FSHR: variants seen among roughly 807,000 people sequenced by gnomAD.
FSHR encodes the protein follicle stimulating hormone receptor.
In FSHR, 46 loss-of-function variants were observed where a neutral mutation model predicts 52.1. That is an observed-to-expected ratio of 0.88 (90% confidence interval 0.70 to 1.13). The LOEUF (loss-of-function observed/expected upper bound fraction) is 1.13. FSHR is among the 50% of genes most tolerant of loss of function. The probability of loss-of-function intolerance (pLI) is 0.00; values close to 1 mark genes in which losing one functional copy is unlikely to be tolerated. For synonymous variants in FSHR, 399 were observed against 309.6 expected (o/e 1.29, Z -3.03); for missense variants, 964 against 834.6 (o/e 1.16, Z -1.91).
chr2:48,992,751 C>A (rs1284835555), intron 4 of FSHR, among the ~76,000 whole-genome samples: 1 of 152,050 alleles, frequency 6.6e-6, no homozygotes, highest in East Asian at 1.9e-4. Context: ...TTTCACTTAG[C>A]CTAACTCCCT....
chr2:49,016,853 A>G (rs1465594422), intron 4 of FSHR, among the ~76,000 whole-genome samples: 2 of 152,216 alleles, frequency 1.3e-5, no homozygotes, highest in African/African-American at 4.8e-5. Context: ...CTGGTAAATG[A>G]ACCCAGAAAG....
chr2:49,037,395 C>A (rs1219651655), intron 2 of FSHR, among the ~76,000 whole-genome samples: 1 of 152,238 alleles, frequency 6.6e-6, no homozygotes, highest in East Asian at 1.9e-4. Flanking sequence ...ATCCTTCCTG[C>A]TTCTAACCCA....
rs1474163768 is a variant in FSHR at position 49,010,651 on chromosome 2, C to G, written c.374+6838G>C. Among the ~76,000 whole-genome samples, 652 of 150,208 alleles carry G rather than the reference C, an allele frequency of 4.3e-3. 4 individuals carry two copies. The highest frequency in any genetic ancestry group is 0.015 in the African/African-American group (594 of 40,236). On this transcript the variant is annotated intron_variant, in intron 4 of 9. Coordinates refer to ENST00000406846, the MANE Select transcript of FSHR (RefSeq NM_000145.4). ...TGGTAGAATTCGGCTGTGAATCCAT[C>G]TGGTCCTGGACTCTTTTTGGTTGGT...
At chr2:48,969,960 G>A (rs1449845076) in intron 8 of FSHR, among the ~76,000 whole-genome samples, 1 of 152,194 alleles carries the variant, frequency 6.6e-6, no homozygotes, top group African/African-American at 2.4e-5. Context: ...TTCTGATGGG[G>A]ATGGTAGCAA....
chr2:49,063,667 G>A (rs12618131), intron 2 of FSHR, among the ~76,000 whole-genome samples: 52,589 of 151,918 alleles, frequency 0.35, 9,706 homozygotes, highest in East Asian at 0.49. Flanking sequence ...TGGAGGCAGG[G>A]AAGTCTATGT....
At chr2:49,090,186 C>G (rs1298642652) in intron 1 of FSHR, among the ~76,000 whole-genome samples, 1 of 151,112 alleles carries the variant, frequency 6.6e-6, no homozygotes, top group East Asian at 1.9e-4. Flanking sequence ...TGAGTTTGAA[C>G]ATGTGCATAG....
At chr2:49,016,846 G>C (rs933957802) in intron 4 of FSHR, among the ~76,000 whole-genome samples, 2 of 152,154 alleles carry the variant, frequency 1.3e-5, no homozygotes, top group Non-Finnish European at 2.9e-5. Flanking sequence ...TCAGTAGCTG[G>C]TAAATGAACC....
chr2:48,975,446 G>A (rs1922472), intron 8 of FSHR, among the ~76,000 whole-genome samples: 117,004 of 151,994 alleles, frequency 0.77, 45,120 homozygotes, highest in Non-Finnish European at 0.78. Context: ...TTACTCCCCA[G>A]TGCATGTCTG....
At chr2:49,079,048 A>C (rs747348383) in intron 1 of FSHR, among the ~76,000 whole-genome samples, 7 of 152,162 alleles carry the variant, frequency 4.6e-5, no homozygotes, top group Non-Finnish European at 8.8e-5. Context: ...GACAGCTGAT[A>C]AGAAAGTCTA....
intron 4 of FSHR, among the ~76,000 whole-genome samples, chr2:49,009,247 C>G (rs1338240978): frequency 3.7e-5 from 3 of 80,704 alleles, no homozygotes; most frequent in Non-Finnish European, 1.1e-4. Context: ...CTACATATGG[C>G]TAGCCAGTTT....
At chr2:49,010,763 G>A (rs1475522607) in intron 4 of FSHR, among the ~76,000 whole-genome samples, 1 of 152,214 alleles carries the variant, frequency 6.6e-6, no homozygotes, top group Non-Finnish European at 1.5e-5. Context: ...TTGGAAGAAT[G>A]TATGTGTCAA....
chr2:49,118,504 A>G (rs1183751613), intron 1 of FSHR, among the ~76,000 whole-genome samples: 2 of 152,202 alleles, frequency 1.3e-5, no homozygotes, highest in Non-Finnish European at 2.9e-5. Flanking sequence ...TGAGACAGGA[A>G]TAATACAGGG....
intron 1 of FSHR, among the ~76,000 whole-genome samples, chr2:49,106,169 C>G (rs1671212612): frequency 6.6e-6 from 1 of 152,130 alleles, no homozygotes; most frequent in East Asian, 1.9e-4. Context: ...AGACCTCAGG[C>G]CTGAAATACC....
rs377031489 is a variant in FSHR, at chr2:48,989,046, T to G, written c.455A>C (p.Gln152Pro). The G allele has an allele frequency of 1.2e-5, 20 of 1,612,724 alleles. No individual in the cohort carries two copies. Among genetic ancestry groups the G allele is most frequent in the Non-Finnish European group, 1.6e-5 (19 of 1,178,980 alleles). ...AATTGTGTGGATGTTTATGTTATCT[T>G]GAATGTCACTAGAAGAAAGTACAGA... ...HSLQKVLLDI[Q>P]DNINIHTIER... Residue 152 changes from glutamine to proline, a missense_variant, in exon 6 of 10, where the codon CAA becomes CCA. Physicochemically the swap from Gln to Pro is moderately conservative, Grantham distance 76. Coordinates refer to ENST00000406846, the MANE Select transcript of FSHR (RefSeq NM_000145.4).
chr2:48,996,346 G>A (rs1354976534), intron 4 of FSHR, among the ~76,000 whole-genome samples: 1 of 152,030 alleles, frequency 6.6e-6, no homozygotes, highest in Non-Finnish European at 1.5e-5. Flanking sequence ...TGTTCTAAAA[G>A]TCACCTCAAA....
intron 1 of FSHR, among the ~76,000 whole-genome samples, chr2:49,129,037 C>T: frequency 7.7e-6 from 1 of 129,280 alleles, no homozygotes; most frequent in Non-Finnish European, 1.6e-5. Context: ...GATTGTTTAT[C>T]TGTTTTCTTG....
chr2:49,052,413 AT>A, intron 2 of FSHR, among the ~76,000 whole-genome samples: 1 of 152,212 alleles, frequency 6.6e-6, no homozygotes, highest in East Asian at 1.9e-4. Context: ...TGACTAAACT[AT>A]CATCTACCTC....
chr2:49,143,580 C>T (rs1265812117), intron 1 of FSHR, among the ~76,000 whole-genome samples: 1 of 152,000 alleles, frequency 6.6e-6, no homozygotes, highest in Non-Finnish European at 1.5e-5. Context: ...CTATTTGTTT[C>T]CTCCTGAAAC....
Position 48,963,895 on chromosome 2 carries a change from C to G in FSHR, c.926G>C (p.Gly309Ala). Residue 309 changes from glycine to alanine, a missense_variant, in exon 10 of 10, where the codon GGT (glycine) becomes GCT (alanine). Transcript: ENST00000406846. ...QEVDYMTQAR[G>A]QRSSLAEDNE... is the part of the protein sequence containing the mutation. The stretch of plus-strand genomic sequence containing the variant: ...GTCTTCTGCCAGAGAGGATCTCTGA[C>G]CCCTAGCCTGAGTCATATAATCAAC... The G allele has an allele frequency of 1.2e-6, 2 of 1,613,920 alleles. No individual in the cohort carries two copies. The highest frequency in any genetic ancestry group is 1.7e-6 in the Non-Finnish European group (2 of 1,179,860).
Sources: allele counts gnomAD v4.1 joint callset (sites outside exome capture counted in the v4.1 genomes callset), GRCh38; gene constraint gnomAD v4.1.1; transcripts MANE v1.5; gene names NCBI Gene and HGNC (gene_info 2026-07-23, HGNC 2026-07-21).